The following SYNDIG1 variants were observed in gnomAD, a reference collection of about 807,000 sequenced individuals.
The protein encoded by SYNDIG1 is synapse differentiation inducing 1, also known as synapse differentiation-inducing gene protein 1.
A neutral mutation model predicts 19.4 loss-of-function variants in SYNDIG1; 9 were observed. The observed-to-expected ratio is 0.46, with a 90% CI of 0.28 to 0.81. The LOEUF (loss-of-function observed/expected upper bound fraction) is 0.81. SYNDIG1 is among the 30% of genes least tolerant of loss of function. The pLI, the probability that SYNDIG1 is intolerant of heterozygous loss-of-function variation, is 0.12. For missense variants in SYNDIG1, 311 were observed against 343.3 expected, an observed-to-expected ratio of 0.91 and a Z score of 0.74; for synonymous variants, 141 against 145.9, an observed-to-expected ratio of 0.97 and a Z score of 0.24.
chr20:24,490,258 A>G (rs771143946), intron 1 of SYNDIG1, among the ~76,000 whole-genome samples: 10 of 152,204 alleles, frequency 6.6e-5, no homozygotes, highest in Non-Finnish European at 1.0e-4. Flanking sequence ...AGAGTACTTT[A>G]TGTAAAGCTC....
At chr20:24,519,805 A>G (rs2056965339) in intron 1 of SYNDIG1, among the ~76,000 whole-genome samples, 1 of 151,494 alleles carries the variant, frequency 6.6e-6, no homozygotes, top group Non-Finnish European at 1.5e-5. Context: ...TCTCCCTTAG[A>G]CAGACAGACA....
intron 3 of SYNDIG1, among the ~76,000 whole-genome samples, chr20:24,602,124 G>T (rs73345332): frequency 0.011 from 1,628 of 152,120 alleles, 36 homozygotes; most frequent in African/African-American, 0.037. Flanking sequence ...AGTAAGCAGA[G>T]GTATTTTATA....
At chr20:24,662,144 C>T (rs2059610278) in intron 3 of SYNDIG1, among the ~76,000 whole-genome samples, 1 of 151,740 alleles carries the variant, frequency 6.6e-6, no homozygotes, top group Non-Finnish European at 1.5e-5. Flanking sequence ...GGTGGCTGGA[C>T]CTCAGTTCTA....
intron 1 of SYNDIG1, among the ~76,000 whole-genome samples, chr20:24,473,056 T>C (rs2055515757): frequency 6.6e-6 from 1 of 152,144 alleles, no homozygotes; most frequent in South Asian, 2.1e-4. Context: ...AAATGCAGGC[T>C]CCATCTCAGA....
chr20:24,586,001 T>G (rs1337397146), intron 3 of SYNDIG1, among the ~76,000 whole-genome samples: 1 of 152,204 alleles, frequency 6.6e-6, no homozygotes, highest in Non-Finnish European at 1.5e-5. Flanking sequence ...TCTTGATGGC[T>G]TCTGTATTGG....
At chr20:24,483,586 C>G (rs1164590883) in intron 1 of SYNDIG1, among the ~76,000 whole-genome samples, 2 of 152,246 alleles carry the variant, frequency 1.3e-5, no homozygotes, top group East Asian at 1.9e-4. Context: ...GCTCTGCATT[C>G]CCACCCAGGA....
chr20:24,503,846 C>T (rs972176524), intron 1 of SYNDIG1, among the ~76,000 whole-genome samples: 1 of 152,124 alleles, frequency 6.6e-6, no homozygotes, highest in African/African-American at 2.4e-5. Context: ...CCACCCCCAG[C>T]GCCTACTGCA....
chr20:24,639,072 C>T (rs763868168), intron 3 of SYNDIG1, among the ~76,000 whole-genome samples: 3 of 152,090 alleles, frequency 2.0e-5, no homozygotes, highest in South Asian at 2.1e-4. Flanking sequence ...GCTGTCCCAA[C>T]GGCAAGACCC....
intron 2 of SYNDIG1, among the ~76,000 whole-genome samples, chr20:24,554,498 AG>A (rs1338171789): frequency 6.6e-6 from 1 of 152,136 alleles, no homozygotes; most frequent in African/African-American, 2.4e-5. Flanking sequence ...TAATTTATTG[AG>A]TGTTTTTAGC....
At chr20:24,651,479 T>C (rs2059473886) in intron 3 of SYNDIG1, among the ~76,000 whole-genome samples, 1 of 152,112 alleles carries the variant, frequency 6.6e-6, no homozygotes, top group South Asian at 2.1e-4. Flanking sequence ...CGACCACACA[T>C]GAGCCAAGTT....
intron 3 of SYNDIG1, among the ~76,000 whole-genome samples, chr20:24,625,348 A>C (rs1167613314): frequency 6.6e-6 from 1 of 152,088 alleles, no homozygotes; most frequent in Non-Finnish European, 1.5e-5. Flanking sequence ...CAATATCATG[A>C]AAGAAAGACG....
At chr20:24,596,171 G>T (rs1218459613) in intron 3 of SYNDIG1, among the ~76,000 whole-genome samples, 1 of 152,124 alleles carries the variant, frequency 6.6e-6, no homozygotes, top group East Asian at 1.9e-4. Flanking sequence ...GTTCTCATTA[G>T]TTTCAAAGAA....
At chr20:24,631,319 C>T (rs2059239630) in intron 3 of SYNDIG1, among the ~76,000 whole-genome samples, 1 of 152,214 alleles carries the variant, frequency 6.6e-6, no homozygotes, top group African/African-American at 2.4e-5. Flanking sequence ...CTGCGGCGGG[C>T]ATTGCCATGC....
intron 1 of SYNDIG1, among the ~76,000 whole-genome samples, chr20:24,490,999 C>T (rs13040455): frequency 0.3 from 45,589 of 152,116 alleles, 7,801 homozygotes; most frequent in Middle Eastern, 0.46. Flanking sequence ...GGAGTCGTGG[C>T]CCCTGGAGCT....
At position 24,608,193 on chromosome 20, in the gene SYNDIG1, A is replaced by T. The variant is rs200877012; in HGVS notation, c.618+23200A>T. Among the ~76,000 whole-genome samples, 337 of 147,876 alleles carry T rather than the reference A, an allele frequency of 2.3e-3. 2 individuals are homozygous for T. Among genetic ancestry groups the T allele is most frequent in the African/African-American group, 7.2e-3 (291 of 40,268 alleles). On this transcript the variant is annotated intron_variant, in intron 3 of 3. Transcript: ENST00000376862. The stretch of plus-strand genomic sequence containing the variant: ...TTAAATTTTGGCAATATTATCTCCT[A>T]TTTTTTTTTTTTGAGACAGTCTCGC...
At chr20:24,621,201 C>T (rs2059033064) in intron 3 of SYNDIG1, among the ~76,000 whole-genome samples, 1 of 152,206 alleles carries the variant, frequency 6.6e-6, no homozygotes, top group South Asian at 2.1e-4. Flanking sequence ...ACTGTCTCAA[C>T]AAAAGAGAGC....
chr20:24,661,491 G>GGAGGGAGGGAAGAGGAAGGAGGGAGGGA lies in SYNDIG1; in HGVS notation c.619-3854_619-3853insAGGGAGGGAAGAGGAAGGAGGGAGGGAG, dbSNP rs2059595026. ...GGAGGGAGGGAAGAGGGAGGAAGAA[G>GGAGGGAGGGAAGAGGAAGGAGGGAGGGA]GGAGGGAGGGAAGAGGGAGGAAGGA... On this transcript the variant is annotated intron_variant, in intron 3 of 3. Coordinates refer to ENST00000376862, the MANE Select transcript of SYNDIG1 (RefSeq NM_024893.3). 5.6e-4 allele frequency among the ~76,000 whole-genome samples: 18 copies of GGAGGGAGGGAAGAGGAAGGAGGGAGGGA among 32,304 alleles called. 1 individual carries two copies. The highest frequency in any genetic ancestry group is 1.0e-3 in the African/African-American group (8 of 7,638). The allele number at this position is 32,304 out of a possible 152,430, so 21.2% of individuals were successfully genotyped here.
At chr20:24,562,818 C>G (rs529119268) in intron 2 of SYNDIG1, among the ~76,000 whole-genome samples, 2 of 152,246 alleles carry the variant, frequency 1.3e-5, no homozygotes, top group Admixed American at 6.5e-5. Context: ...ATAAAGGGAA[C>G]AATGGTCAAA....
chr20:24,556,117 A>G (rs1357633884), intron 2 of SYNDIG1, among the ~76,000 whole-genome samples: 1 of 152,082 alleles, frequency 6.6e-6, no homozygotes, highest in Non-Finnish European at 1.5e-5. Context: ...ATCAGAGAGT[A>G]GGATTGCAAC....
Sources: allele counts gnomAD v4.1 joint callset (sites outside exome capture counted in the v4.1 genomes callset), GRCh38; gene constraint gnomAD v4.1.1; transcripts MANE v1.5; gene names NCBI Gene and HGNC (gene_info 2026-07-23, HGNC 2026-07-21).